The following WDR27 variants were observed in gnomAD, a reference collection of about 807,000 sequenced individuals.
WDR27 encodes WD repeat domain 27.
WDR27 carries 100 observed loss-of-function variants against 114.4 expected under a neutral mutation model. The ratio of observed to expected loss-of-function variants is 0.87; its 90% CI spans 0.74 to 1.03. WDR27 has a LOEUF of 1.03. Ranked by LOEUF, WDR27 falls within the 50% of genes least tolerant of loss-of-function variation. The pLI is 0.00. For synonymous variants in WDR27, 449 were observed against 423.1 expected, an observed-to-expected ratio of 1.06 and a Z score of -0.75; for missense variants, 1,129 against 1,092.9, an observed-to-expected ratio of 1.03 and a Z score of -0.47.
chr6:169,575,395 T>G (rs1038925444), intron 24 of WDR27, among the ~76,000 whole-genome samples: 1 of 86,608 alleles, frequency 1.2e-5, no homozygotes, highest in Admixed American at 1.1e-4. Context: ...CCTCTCTCCA[T>G]CCATCCATCC....
intron 17 of WDR27, among the ~76,000 whole-genome samples, chr6:169,640,690 G>A (rs937350480): frequency 6.6e-6 from 1 of 152,254 alleles, no homozygotes; most frequent in Non-Finnish European, 1.5e-5. Flanking sequence ...CAGGCAGCCT[G>A]GGCCATAAGG....
intron 25 of WDR27, among the ~76,000 whole-genome samples, chr6:169,530,879 A>T (rs978297841): frequency 6.6e-6 from 1 of 152,206 alleles, no homozygotes; most frequent in Middle Eastern, 3.2e-3. Flanking sequence ...CCTTCCTAAC[A>T]TTCATGCATG....
At chr6:169,606,508 T>C (rs938950310) in intron 22 of WDR27, among the ~76,000 whole-genome samples, 6 of 152,140 alleles carry the variant, frequency 3.9e-5, no homozygotes, top group Non-Finnish European at 7.4e-5. Context: ...GTTCCATTCC[T>C]TGTGTCCATG....
chr6:169,459,297 A>C (rs1029658515), intron 25 of WDR27, among the ~76,000 whole-genome samples: 1 of 152,120 alleles, frequency 6.6e-6, no homozygotes, highest in Non-Finnish European at 1.5e-5. Flanking sequence ...TCAAGCTAAA[A>C]ATATAAAATA....
intron 21 of WDR27, among the ~76,000 whole-genome samples, chr6:169,627,136 A>C (rs1370990644): frequency 6.6e-6 from 1 of 152,188 alleles, no homozygotes; most frequent in Non-Finnish European, 1.5e-5. Flanking sequence ...ACCATCATCT[A>C]ATTGCTGATT....
intron 2 of WDR27, among the ~76,000 whole-genome samples, chr6:169,679,788 C>A (rs1781031855): frequency 6.6e-6 from 1 of 152,168 alleles, no homozygotes; most frequent in African/African-American, 2.4e-5. Context: ...ATTATCCAGT[C>A]TCAGGTATTT....
At position 169,638,580 on chromosome 6, in the gene WDR27, G is replaced by C; in HGVS notation, c.1828C>G (p.Arg610Gly). 1 of 1,610,440 alleles carries C rather than the reference G, an allele frequency of 6.2e-7. No homozygotes were observed. The change falls in exon 18 of 26, where the codon CGA (arginine) becomes GGA (glycine). Residue 610 changes from arginine to glycine, a missense_variant. By Grantham distance (125) the Arg-to-Gly change is moderately radical (BLOSUM62 -2). Transcript: ENST00000448612. ...LLSAARDGTL[R>G]MWSARGAELA... is the part of the protein sequence containing the mutation. The stretch of plus-strand genomic sequence containing the variant: ...TCTGCCCCACGAGCCGACCACATTC[G>C]CAGGGTCCCGTCCCGGGCCGCAGAG...
At chr6:169,602,047 C>T (rs1562667747) in intron 23 of WDR27, among the ~76,000 whole-genome samples, 172 bp downstream of exon 23, 1 of 152,206 alleles carries the variant, frequency 6.6e-6, no homozygotes, top group Non-Finnish European at 1.5e-5. Context: ...GTAAAAACAT[C>T]TTTCATACCT....
At chr6:169,673,517 A>C (rs1415744291) in intron 2 of WDR27, among the ~76,000 whole-genome samples, 1 of 152,026 alleles carries the variant, frequency 6.6e-6, no homozygotes. Context: ...AGGTCGTTGA[A>C]GAATTATGGT....
chr6:169,591,590 T>G (rs1210093432), intron 23 of WDR27, among the ~76,000 whole-genome samples: 2 of 152,216 alleles, frequency 1.3e-5, no homozygotes, highest in Admixed American at 6.5e-5. Context: ...ACATTTTATG[T>G]TTTTGTTTTT....
At chr6:169,502,886 G>T (rs912480961) in intron 25 of WDR27, among the ~76,000 whole-genome samples, 1 of 152,188 alleles carries the variant, frequency 6.6e-6, no homozygotes, top group African/African-American at 2.4e-5. Context: ...GATTCGAGTA[G>T]ATGGATTTGC....
At chr6:169,688,728 C>T in intron 2 of WDR27, 89 bp downstream of exon 2, 1 of 936,020 alleles carries the variant, frequency 1.1e-6, no homozygotes, top group Non-Finnish European at 1.5e-6. Context: ...GCTGAATCCA[C>T]AGAGGGTAAT....
chr6:169,641,255 C>T (rs1341329965), intron 17 of WDR27, among the ~76,000 whole-genome samples: 2 of 152,238 alleles, frequency 1.3e-5, no homozygotes, highest in Admixed American at 6.5e-5. Flanking sequence ...CAGCCCCAAA[C>T]ACATGCGTGA....
At chr6:169,497,535 T>C (rs1013773652) in intron 25 of WDR27, among the ~76,000 whole-genome samples, 3 of 144,964 alleles carry the variant, frequency 2.1e-5, no homozygotes, top group African/African-American at 7.4e-5. Context: ...ATCCAGAATA[T>C]CTAGGGAACT....
chr6:169,557,397 C>A (rs1436367104), intron 25 of WDR27, among the ~76,000 whole-genome samples: 1 of 152,124 alleles, frequency 6.6e-6, no homozygotes, highest in Admixed American at 6.5e-5. Flanking sequence ...TGACTGGGGA[C>A]GTGGGGAAGA....
At chr6:169,676,896 C>T (rs531453150) in intron 2 of WDR27, among the ~76,000 whole-genome samples, 3 of 152,196 alleles carry the variant, frequency 2.0e-5, no homozygotes, top group Non-Finnish European at 2.9e-5. Context: ...CTGACCATCA[C>T]GCACATGTTC....
intron 18 of WDR27, among the ~76,000 whole-genome samples, chr6:169,637,871 TGTAA>T (rs1318352433): frequency 3.9e-5 from 6 of 152,146 alleles, no homozygotes; most frequent in Admixed American, 1.3e-4. Context: ...GTGGCAAGTA[TGTAA>T]GTGTGCGTAT....
chr6:169,509,913 T>G (rs9478033), intron 25 of WDR27, among the ~76,000 whole-genome samples: 56,722 of 152,084 alleles, frequency 0.37, 11,728 homozygotes, highest in African/African-American at 0.56. Context: ...GAATCTACAA[T>G]GAACTCAAAC....
At chr6:169,571,307 T>C (rs184933547) in intron 25 of WDR27, among the ~76,000 whole-genome samples, 4 of 151,980 alleles carry the variant, frequency 2.6e-5, no homozygotes, top group African/African-American at 9.7e-5. Context: ...ATACTGGAGA[T>C]TTAAAGTTTC....
Sources: gnomAD v4.1 joint callset for allele counts (sites outside exome capture counted in the v4.1 genomes callset) on GRCh38, gnomAD v4.1.1 for gene constraint, MANE v1.5 for transcripts, NCBI Gene and HGNC (gene_info 2026-07-23, HGNC 2026-07-21) for gene names.